Variants in ACOX3 observed in about 807,000 individuals in gnomAD.
ACOX3 encodes the protein peroxisomal acyl-coenzyme A oxidase 3.
Under a neutral mutation model 81.5 loss-of-function variants are expected in ACOX3, and 73 were observed. The ratio of observed to expected loss-of-function variants is 0.90; its 90% CI spans 0.74 to 1.09. The LOEUF (loss-of-function observed/expected upper bound fraction) is 1.09. Among genes scored for constraint, ACOX3 ranks in the 50% least tolerant of loss-of-function variants. The pLI, the probability that ACOX3 is intolerant of heterozygous loss-of-function variation, is 0.00. For missense variants in ACOX3, 947 were observed against 928.0 expected (o/e 1.02, Z -0.27); for synonymous variants, 387 against 375.1 (o/e 1.03, Z -0.37).
At chr4:8,418,381 C>T (rs898071013) in intron 1 of ACOX3, among the ~76,000 whole-genome samples, 1 of 150,398 alleles carries the variant, frequency 6.6e-6, no homozygotes, top group African/African-American at 2.5e-5. Context: ...ATCGCTTGAA[C>T]CTGGGAGACA....
At position 8,405,876 on chromosome 4, in the gene ACOX3, A is replaced by C. The variant is rs1720885131; in HGVS notation, c.776+79T>G. 7.2e-7 allele frequency: 1 copy of C among 1,382,564 alleles called. No homozygotes were observed. 85.6% of individuals were successfully genotyped at this position (1,382,564 alleles called of 1,614,324 possible). A position where few individuals can be genotyped will look rare whatever the true frequency, so the allele number is the denominator to read the frequency against. The stretch of plus-strand genomic sequence containing the variant: ...GGCAGGGCATGGCATCCATGGGGCC[A>C]GTGAGATCTCAGACATGAGCGACAA... On this transcript the variant is annotated intron_variant, in intron 7 of 17. Transcript: ENST00000356406. The surrounding 1 kb of genome is among the most constrained non-coding windows in gnomAD (Gnocchi z 7.1).
In ACOX3 at chr4:8,399,715, C is replaced by A; in HGVS notation, c.777-63G>T. 2 of 1,454,710 alleles carry A rather than the reference C, an allele frequency of 1.4e-6. No individual in the cohort carries two copies. The highest frequency in any genetic ancestry group is 3.4e-5 in the Admixed American group (2 of 58,364). 90.1% of individuals were successfully genotyped at this position (1,454,710 alleles called of 1,614,324 possible). A position where few individuals can be genotyped will look rare whatever the true frequency, so the allele number is the denominator to read the frequency against. On this transcript the variant is annotated intron_variant, in intron 7 of 17. Coordinates refer to ENST00000356406, the MANE Select transcript of ACOX3 (RefSeq NM_003501.3). This position sits in a 1 kb window ranked among gnomAD's most constrained non-coding sequence, Gnocchi z 4.9. ...CCTGCCCTGAGGCTCTTCTCTTCTC[C>A]AAGGGCAGCCTAAAAGCTGATGCAA...
At chr4:8,424,403 T>C (rs1723248277) in intron 1 of ACOX3, among the ~76,000 whole-genome samples, 1 of 152,234 alleles carries the variant, frequency 6.6e-6, no homozygotes, top group African/African-American at 2.4e-5. Context: ...GGAATAGCTC[T>C]AGGATTCCTT....
intron 15 of ACOX3, chr4:8,373,980 G>A: frequency 5.9e-6 from 2 of 341,088 alleles, no homozygotes; most frequent in South Asian, 6.5e-5. Flanking sequence ...AGGGGCTCCT[G>A]GGCAGAGTGA....
Position 8,394,707 on chromosome 4 carries a change from G to A in ACOX3, c.1092C>T (p.Tyr364=), listed in dbSNP as rs145783764. ...WRLLPYLAAV[Y]ALDHFSKSLF... Reference sequence around the variant, plus strand: ...GCGACTTGGAGAAATGGTCTAAGGCGTAGACAGCTGCCAGATATGGAAGCA... The same window carrying A: ...GCGACTTGGAGAAATGGTCTAAGGCATAGACAGCTGCCAGATATGGAAGCA... Residue 364 remains tyrosine (Y), a synonymous_variant, in exon 10 of 18, where the codon TAC becomes TAT. Coordinates refer to ENST00000356406, the MANE Select transcript of ACOX3 (RefSeq NM_003501.3). This position sits in a 1 kb window ranked among gnomAD's most constrained non-coding sequence, Gnocchi z 5.9. 1.6e-4 allele frequency: 251 copies of A among 1,613,772 alleles called. No homozygotes were observed. In the African/African-American group the frequency reaches 2.9e-3, roughly 19 times the overall value.
chr4:8,365,864 A>G (rs1715387942), downstream of ACOX3, among the ~76,000 whole-genome samples: 1 of 152,194 alleles, frequency 6.6e-6, no homozygotes, highest in Non-Finnish European at 1.5e-5. Flanking sequence ...CAGACGCTCA[A>G]AAGTTCTCTG....
At chr4:8,383,085 C>T (rs554040539) in intron 13 of ACOX3, among the ~76,000 whole-genome samples, 70 of 152,320 alleles carry the variant, frequency 4.6e-4, no homozygotes, top group Non-Finnish European at 7.1e-4. Context: ...TTCACCCTCA[C>T]GGCATAACTG....
intron 14 of ACOX3, among the ~76,000 whole-genome samples, chr4:8,377,451 G>C (rs1225331681): frequency 1.4e-5 from 2 of 142,552 alleles, no homozygotes; most frequent in Non-Finnish European, 3.0e-5. Flanking sequence ...TTGAAACACA[G>C]CGTCACTCGG....
intron 14 of ACOX3, among the ~76,000 whole-genome samples, chr4:8,378,595 C>A (rs372522825): frequency 4.9e-4 from 75 of 151,676 alleles, no homozygotes; most frequent in Middle Eastern, 3.4e-3. Flanking sequence ...AGGCAGGCTG[C>A]GGGGACGCCA....
rs1715730615 is a variant in ACOX3 at position 8,368,347 on chromosome 4, G to A, written c.1984-1267C>T. On this transcript the variant is annotated intron_variant, in intron 17 of 17. Coordinates refer to ENST00000356406, the MANE Select transcript of ACOX3 (RefSeq NM_003501.3). The surrounding 1 kb of genome is among the most constrained non-coding windows in gnomAD (Gnocchi z 5.9). ...TGGAGGAAGGTTGTACAAATGAAGG[G>A]CGAAGGGCAGCTGAGCAGACACTTC... 6.6e-6 allele frequency among the ~76,000 whole-genome samples: 1 copy of A among 152,228 alleles called. No homozygotes were observed. Among genetic ancestry groups the A allele is most frequent in the South Asian group, 2.1e-4 (1 of 4,834 alleles).
chr4:8,419,494 G>A lies in ACOX3; in HGVS notation c.-14-2959C>T, dbSNP rs1354053053. ...AAATAATCACAAGTATTGAGAGGATGTGGAGAAATCAGACTCTCATGCCCT... is the reference window on the plus strand; with the variant it reads ...AAATAATCACAAGTATTGAGAGGATATGGAGAAATCAGACTCTCATGCCCT... On this transcript the variant is annotated intron_variant, in intron 1 of 17. Coordinates refer to ENST00000356406, the MANE Select transcript of ACOX3 (RefSeq NM_003501.3). The surrounding 1 kb of genome is among the most constrained non-coding windows in gnomAD (Gnocchi z 4.2). Among the ~76,000 whole-genome samples, 1 of 152,136 alleles carries A rather than the reference G, an allele frequency of 6.6e-6. No homozygotes were observed. The highest frequency in any genetic ancestry group is 1.5e-5 in the Non-Finnish European group (1 of 68,010).
chr4:8,374,896 T>C, intron 15 of ACOX3, 82 bp downstream of exon 15: 1 of 1,390,828 alleles, frequency 7.2e-7, no homozygotes, highest in Non-Finnish European at 9.5e-7. Context: ...AGGAGGACGA[T>C]GGTGCAGGAA....
chr4:8,440,357 G>A (rs1208805555), intron 1 of ACOX3, among the ~76,000 whole-genome samples: 2 of 152,174 alleles, frequency 1.3e-5, no homozygotes, highest in Non-Finnish European at 2.9e-5. Flanking sequence ...ATCCCTCATG[G>A]GACAACGTTA....
At chr4:8,410,479 AT>A (rs1174375894) in intron 5 of ACOX3, 124 bp from the exon 6 acceptor site, 1 of 1,309,724 alleles carries the variant, frequency 7.6e-7, no homozygotes, top group Non-Finnish European at 1.1e-6. Flanking sequence ...GTTGAAACTA[AT>A]CGCACATTTT....
chr4:8,413,983 C>T (rs949152165), intron 5 of ACOX3, among the ~76,000 whole-genome samples: 2 of 152,230 alleles, frequency 1.3e-5, no homozygotes, highest in Non-Finnish European at 2.9e-5. Context: ...TACGCATAGG[C>T]AGCCAGGTAA....
At chr4:8,439,064 A>C (rs1359090393) in intron 1 of ACOX3, 1 of 152,202 alleles carries the variant, frequency 6.6e-6, no homozygotes, top group African/African-American at 2.4e-5. Context: ...TAAAAATCTT[A>C]AGACTAATAG....
At chr4:8,356,207 T>C in the ACOX3 span, 1 of 278,724 alleles carries the variant, frequency 3.6e-6, no homozygotes, top group South Asian at 4.0e-5. Flanking sequence ...ATTTCATCAG[T>C]GAGGGAAGTC....
At position 8,386,360 on chromosome 4, in the gene ACOX3, AT is replaced by A. The variant is rs1718294517; in HGVS notation, c.1537+2812del. 6.6e-6 allele frequency among the ~76,000 whole-genome samples: 1 copy of A among 152,050 alleles called. No homozygotes were observed. Among genetic ancestry groups the A allele is most frequent in the African/African-American group, 2.4e-5 (1 of 41,414 alleles). On this transcript the variant is annotated intron_variant, in intron 13 of 17. Coordinates refer to ENST00000356406, the MANE Select transcript of ACOX3 (RefSeq NM_003501.3). The surrounding 1 kb of genome is among the most constrained non-coding windows in gnomAD (Gnocchi z 5.2). ...GGTGGGCGGATCACGAGGTCAGGAT[AT>A]CGAGACCATCCTGCCTAACACGGTG...
rs114063923 is a variant in ACOX3 at position 8,399,592 on chromosome 4, G to A, written c.837C>T (p.Asp279=). 5,906 of 1,614,136 alleles carry A rather than the reference G, an allele frequency of 3.7e-3. 18 individuals carry two copies. The highest frequency in any genetic ancestry group is 4.6e-3 in the Middle Eastern group (28 of 6,062). ...PRQSLLNRMG[D]VTPEGTYVSP... ...TGACATAGGTGCCCTCGGGGGTGAC[G>A]TCTCCCATCCGGTTCAGAAGGCTCT... Residue 279 remains aspartate (D), a synonymous_variant, in exon 8 of 18, where the codon GAC becomes GAT. Coordinates refer to ENST00000356406, the MANE Select transcript of ACOX3 (RefSeq NM_003501.3). The surrounding 1 kb of genome is among the most constrained non-coding windows in gnomAD (Gnocchi z 4.9).
Sources: allele counts gnomAD v4.1 joint callset (sites outside exome capture counted in the v4.1 genomes callset), GRCh38; gene constraint gnomAD v4.1.1; non-coding constraint Gnocchi (gnomAD v3.1); transcripts MANE v1.5; gene names NCBI Gene and HGNC (gene_info 2026-07-23, HGNC 2026-07-21).